The following AGPAT4 variants were observed in gnomAD, a reference collection of about 807,000 sequenced individuals.
The protein encoded by AGPAT4 is 1-acylglycerol-3-phosphate O-acyltransferase 4, also known as 1-acyl-sn-glycerol-3-phosphate acyltransferase delta.
Under a neutral mutation model 48.0 loss-of-function variants are expected in AGPAT4, and 15 were observed. The observed-to-expected ratio is 0.31, with a 90% CI of 0.21 to 0.48. The LOEUF (loss-of-function observed/expected upper bound fraction) is 0.48. Ranked by LOEUF, AGPAT4 falls within the 20% of genes least tolerant of loss-of-function variation. The pLI, the probability that AGPAT4 is intolerant of heterozygous loss-of-function variation, is 0.99. For missense variants in AGPAT4, 314 were observed against 482.5 expected (o/e 0.65, Z 3.27); for synonymous variants, 178 against 198.7 (o/e 0.90, Z 0.88).
At position 161,212,941 on chromosome 6, in the gene AGPAT4, G is replaced by A. The variant is rs1013818678; in HGVS notation, c.178+19095C>T. 6.6e-6 allele frequency among the ~76,000 whole-genome samples: 1 copy of A among 152,212 alleles called. No individual in the cohort carries two copies. Among genetic ancestry groups the A allele is most frequent in the African/African-American group, 2.4e-5 (1 of 41,448 alleles). On this transcript the variant is annotated intron_variant, in intron 2 of 8. Coordinates refer to ENST00000320285, the MANE Select transcript of AGPAT4 (RefSeq NM_020133.3). This position sits in a 1 kb window ranked among gnomAD's most constrained non-coding sequence, Gnocchi z 6.1. The stretch of plus-strand genomic sequence containing the variant: ...AAACTGTTTATTTTACCAAGACTTT[G>A]ACTGTAATGGTGTGCTTTCCTTTAA...
rs767823580 is a variant in AGPAT4, at chr6:161,161,472, G to A, written c.348+4776C>T. Reference sequence around the variant, plus strand: ...AGGGTGGCGTCCCAGCCCATTCCTAGTGCAAGGTCTGTGCCTGCAGAGCTG... The same window carrying A: ...AGGGTGGCGTCCCAGCCCATTCCTAATGCAAGGTCTGTGCCTGCAGAGCTG... On this transcript the variant is annotated intron_variant, in intron 3 of 8. Coordinates refer to ENST00000320285, the MANE Select transcript of AGPAT4 (RefSeq NM_020133.3). The surrounding 1 kb of genome is among the most constrained non-coding windows in gnomAD (Gnocchi z 4.6). 5 of 456,620 alleles carry A rather than the reference G, an allele frequency of 1.1e-5. No individual in the cohort carries two copies. The highest frequency in any genetic ancestry group is 2.2e-5 in the Non-Finnish European group (5 of 226,994). The allele number at this position is 456,620 out of a possible 1,614,324, so 28.3% of individuals were successfully genotyped here.
At chr6:161,192,662 C>A (rs1459030305) in intron 2 of AGPAT4, among the ~76,000 whole-genome samples, 1 of 151,934 alleles carries the variant, frequency 6.6e-6, no homozygotes, top group Admixed American at 6.6e-5. Context: ...TTTCCTTTTC[C>A]TGAAAATTTA....
rs1269852194 is a variant in AGPAT4, at chr6:161,259,473, G to C, written c.-90+14465C>G. Among the ~76,000 whole-genome samples the C allele has an allele frequency of 6.6e-6, 1 of 151,966 alleles. No homozygotes were observed. The highest frequency in any genetic ancestry group is 1.5e-5 in the Non-Finnish European group (1 of 68,002). ...ACCCGGTCTTTTGCAGGGCGGTCTG[G>C]AGTTGGTTGAGTCTAGAGTTAGTGA... is the stretch of plus-strand genomic sequence containing the variant. On this transcript the variant is annotated intron_variant, in intron 1 of 8. Coordinates refer to ENST00000320285, the MANE Select transcript of AGPAT4 (RefSeq NM_020133.3). This position sits in a 1 kb window ranked among gnomAD's most constrained non-coding sequence, Gnocchi z 4.9.
Position 161,146,704 on chromosome 6 carries a change from A to C in AGPAT4, c.768-105T>G. 1 of 988,420 alleles carries C rather than the reference A, an allele frequency of 1.0e-6. No individual in the cohort carries two copies. Among genetic ancestry groups the C allele is most frequent in the South Asian group, 1.4e-5 (1 of 71,560 alleles). 61.2% of individuals were successfully genotyped at this position (988,420 alleles called of 1,614,324 possible). A position where few individuals can be genotyped will look rare whatever the true frequency, so the allele number is the denominator to read the frequency against. On this transcript the variant is annotated intron_variant, in intron 6 of 8. Transcript: ENST00000320285. This position sits in a 1 kb window ranked among gnomAD's most constrained non-coding sequence, Gnocchi z 7.1. The stretch of plus-strand genomic sequence containing the variant: ...TTTTTGTTTTTATCTGGGTCACCTA[A>C]ATAATGTGGAACTGAAGAGAGTAAT...
intron 5 of AGPAT4, among the ~76,000 whole-genome samples, chr6:161,152,530 G>T (rs1380859477): frequency 1.3e-5 from 2 of 152,216 alleles, no homozygotes; most frequent in Non-Finnish European, 2.9e-5. Flanking sequence ...GGTCAGCCAG[G>T]GCTGGAGAAA....
chr6:161,232,907 C>G lies in AGPAT4; in HGVS notation c.-89-605G>C, dbSNP rs975153463. ...GGAAGCATTTACTTGAAAACCACCACTGTTTCTCCAGCACATGAGAGCCAT... is the reference window on the plus strand; with the variant it reads ...GGAAGCATTTACTTGAAAACCACCAGTGTTTCTCCAGCACATGAGAGCCAT... On this transcript the variant is annotated intron_variant, in intron 1 of 8. Coordinates refer to ENST00000320285, the MANE Select transcript of AGPAT4 (RefSeq NM_020133.3). This position sits in a 1 kb window ranked among gnomAD's most constrained non-coding sequence, Gnocchi z 6.8. Among the ~76,000 whole-genome samples the G allele has an allele frequency of 1.3e-5, 2 of 152,178 alleles. No individual in the cohort carries two copies. Among genetic ancestry groups the G allele is most frequent in the African/African-American group, 4.8e-5 (2 of 41,426 alleles).
chr6:161,230,150 C>G (rs2115034815), intron 2 of AGPAT4, among the ~76,000 whole-genome samples: 1 of 152,284 alleles, frequency 6.6e-6, no homozygotes, highest in Middle Eastern at 3.4e-3. Context: ...AGAAAAATAT[C>G]TCCACAATCC....
chr6:161,237,747 T>C (rs1276879253), intron 1 of AGPAT4, among the ~76,000 whole-genome samples: 1 of 152,186 alleles, frequency 6.6e-6, no homozygotes, highest in Admixed American at 6.5e-5. Context: ...CTCTGTGTTT[T>C]ATCATCCTTT....
intron 2 of AGPAT4, among the ~76,000 whole-genome samples, chr6:161,227,489 G>A (rs1015465508): frequency 3.9e-5 from 6 of 152,198 alleles, no homozygotes; most frequent in African/African-American, 7.2e-5. Flanking sequence ...CTCCGTGGTC[G>A]TTAATTTCAG....
Position 161,251,069 on chromosome 6 carries a change from G to C in AGPAT4, c.-89-18767C>G, listed in dbSNP as rs907825232. Among the ~76,000 whole-genome samples the C allele has an allele frequency of 6.6e-6, 1 of 152,162 alleles. No individual in the cohort carries two copies. The highest frequency in any genetic ancestry group is 1.5e-5 in the Non-Finnish European group (1 of 68,016). On this transcript the variant is annotated intron_variant, in intron 1 of 8. Coordinates refer to ENST00000320285, the MANE Select transcript of AGPAT4 (RefSeq NM_020133.3). The surrounding 1 kb of genome is among the most constrained non-coding windows in gnomAD (Gnocchi z 4.6). ...TTTAAATTACGATGAAGTAAGAACTGTAATTTCTTTCATAATGTTTAAACT... is the reference window on the plus strand; with the variant it reads ...TTTAAATTACGATGAAGTAAGAACTCTAATTTCTTTCATAATGTTTAAACT...
chr6:161,149,555 T>G lies in AGPAT4; in HGVS notation c.665-266A>C, dbSNP rs1329346181. 6.6e-6 allele frequency among the ~76,000 whole-genome samples: 1 copy of G among 151,954 alleles called. No individual in the cohort carries two copies. The highest frequency in any genetic ancestry group is 1.5e-5 in the Non-Finnish European group (1 of 67,976). On this transcript the variant is annotated intron_variant, in intron 5 of 8. Coordinates refer to ENST00000320285, the MANE Select transcript of AGPAT4 (RefSeq NM_020133.3). This position sits in a 1 kb window ranked among gnomAD's most constrained non-coding sequence, Gnocchi z 6.5. ...CATTTTTTTCTTTTCTTTCTTTTCT[T>G]TTTTTTTGGAGATGGAGTCTCACTC...
At chr6:161,258,874 T>C (rs560442478) in intron 1 of AGPAT4, among the ~76,000 whole-genome samples, 1 of 151,948 alleles carries the variant, frequency 6.6e-6, no homozygotes, top group Non-Finnish European at 1.5e-5. Flanking sequence ...CTAGGCTCAC[T>C]GCAACCCCCA....
chr6:161,208,708 T>C lies in AGPAT4; in HGVS notation c.178+23328A>G, dbSNP rs536747415. On this transcript the variant is annotated intron_variant, in intron 2 of 8. Coordinates refer to ENST00000320285, the MANE Select transcript of AGPAT4 (RefSeq NM_020133.3). This position sits in a 1 kb window ranked among gnomAD's most constrained non-coding sequence, Gnocchi z 4.6. ...AAAAAAGAAATGCAAAAGAAGTCTATGTGTTCAAAAGAAAACTATTTGGTG... is the reference window on the plus strand; with the variant it reads ...AAAAAAGAAATGCAAAAGAAGTCTACGTGTTCAAAAGAAAACTATTTGGTG... Among the ~76,000 whole-genome samples, 74 of 152,354 alleles carry C rather than the reference T, an allele frequency of 4.9e-4. No individual in the cohort carries two copies. The highest frequency in any genetic ancestry group is 1.4e-3 in the African/African-American group (60 of 41,590).
rs73595044 is a variant in AGPAT4, at chr6:161,146,959, G to C, written c.768-360C>G. On this transcript the variant is annotated intron_variant, in intron 6 of 8. Transcript: ENST00000320285. This position sits in a 1 kb window ranked among gnomAD's most constrained non-coding sequence, Gnocchi z 7.1. Reference sequence around the variant, plus strand: ...GACAACACTGCCTCAGTTTCCACACGAGACAATCCAATATACACAGAATCG... The same window carrying C: ...GACAACACTGCCTCAGTTTCCACACCAGACAATCCAATATACACAGAATCG... 0.023 allele frequency among the ~76,000 whole-genome samples: 3,470 copies of C among 152,166 alleles called. 142 individuals carry two copies. The highest frequency in any genetic ancestry group is 0.075 in the African/African-American group (3,133 of 41,506).
chr6:161,168,674 T>C (rs1005650143), intron 2 of AGPAT4, among the ~76,000 whole-genome samples: 5 of 152,162 alleles, frequency 3.3e-5, no homozygotes, highest in African/African-American at 1.2e-4. Flanking sequence ...ATACAGGAGA[T>C]GATTAAACAT....
chr6:161,199,021 A>C (rs940374511), intron 2 of AGPAT4, among the ~76,000 whole-genome samples: 7 of 152,100 alleles, frequency 4.6e-5, no homozygotes, highest in African/African-American at 7.2e-5. Flanking sequence ...ACGTATACTA[A>C]TTCTAAAGAA....
chr6:161,134,023 C>T lies in AGPAT4; in HGVS notation c.*2517G>A, dbSNP rs1379326865. On this transcript the variant is annotated 3_prime_UTR_variant, in exon 9 of 9. Transcript: ENST00000320285. ...CGTGATGAGCTTCCGTCCAGGAGTA[C>T]CCGTGGTTGTCTGTGTCATTAAGGG... The T allele has an allele frequency of 6.6e-6, 1 of 152,164 alleles. No homozygotes were observed. The highest frequency in any genetic ancestry group is 1.5e-5 in the Non-Finnish European group (1 of 68,092). 9.4% of individuals were successfully genotyped at this position (152,164 alleles called of 1,614,324 possible).
Position 161,218,845 on chromosome 6 carries a change from G to A in AGPAT4, c.178+13191C>T, listed in dbSNP as rs1484562781. ...CTACCAAACAGTATGATAAAACACT[G>A]TATCTACCAAACAGTATGATAAAAC... On this transcript the variant is annotated intron_variant, in intron 2 of 8. Coordinates refer to ENST00000320285, the MANE Select transcript of AGPAT4 (RefSeq NM_020133.3). The surrounding 1 kb of genome is among the most constrained non-coding windows in gnomAD (Gnocchi z 4.7). Among the ~76,000 whole-genome samples the A allele has an allele frequency of 6.6e-6, 1 of 151,994 alleles. No individual in the cohort carries two copies. Among genetic ancestry groups the A allele is most frequent in the Non-Finnish European group, 1.5e-5 (1 of 68,006 alleles).
In AGPAT4 at chr6:161,171,376, G is replaced by T. The variant is rs986355463; in HGVS notation, c.179-4959C>A. Among the ~76,000 whole-genome samples the T allele has an allele frequency of 2.6e-5, 4 of 152,142 alleles. No individual in the cohort carries two copies. Among genetic ancestry groups the T allele is most frequent in the Non-Finnish European group, 4.4e-5 (3 of 68,036 alleles). ...GTCCAAAGTCAAGAGGGCTGCATCT[G>T]GCAAGGTCCTTCTTGCTGTGTCATC... is the stretch of plus-strand genomic sequence containing the variant. On this transcript the variant is annotated intron_variant, in intron 2 of 8. Transcript: ENST00000320285. The surrounding 1 kb of genome is among the most constrained non-coding windows in gnomAD (Gnocchi z 4.4).
Sources: allele counts gnomAD v4.1 joint callset (sites outside exome capture counted in the v4.1 genomes callset), GRCh38; gene constraint gnomAD v4.1.1; non-coding constraint Gnocchi (gnomAD v3.1); transcripts MANE v1.5; gene names NCBI Gene and HGNC (gene_info 2026-07-23, HGNC 2026-07-21).